CENPK: variants seen among roughly 807,000 people sequenced by gnomAD.
CENPK encodes centromere protein K.
A neutral mutation model predicts 40.9 loss-of-function variants in CENPK; 46 were observed. The ratio of observed to expected loss-of-function variants is 1.13; its 90% CI spans 0.89 to 1.44. CENPK has a LOEUF of 1.44. CENPK is among the 40% of genes most tolerant of loss of function. The pLI is 0.00. For missense variants in CENPK, 288 were observed against 303.5 expected (o/e 0.95, Z 0.38); for synonymous variants, 107 against 104.4 (o/e 1.02, Z -0.15).
At chr5:65,550,654 A>C (rs1749809651) in intron 5 of CENPK, 1 of 152,220 alleles carries the variant, frequency 6.6e-6, no homozygotes, top group South Asian at 2.1e-4. Flanking sequence ...CTCGCCACAA[A>C]CTGAATTTGT....
At chr5:65,536,633 T>G (rs6896398) in intron 6 of CENPK, among the ~76,000 whole-genome samples, 1 of 151,216 alleles carries the variant, frequency 6.6e-6, no homozygotes, top group South Asian at 2.1e-4. Flanking sequence ...AAAGAAAAAA[T>G]ATATATATAT....
chr5:65,558,601 T>C lies in CENPK; in HGVS notation c.-40+2862A>G, dbSNP rs868732930. On this transcript the variant is annotated intron_variant, in intron 2 of 10. Coordinates refer to ENST00000396679, the MANE Select transcript of CENPK (RefSeq NM_022145.5). The stretch of plus-strand genomic sequence containing the variant: ...AAAAGAGATGTATAAAACAGATATA[T>C]AAAAAAATGGGAGAGGATAAAGTTA... 3.1e-4 allele frequency among the ~76,000 whole-genome samples: 47 copies of C among 152,116 alleles called. No individual in the cohort carries two copies. The Middle Eastern group carries it at 0.024, about 77-fold the overall frequency.
chr5:65,537,342 T>G (rs1747101850), intron 6 of CENPK, among the ~76,000 whole-genome samples: 1 of 152,198 alleles, frequency 6.6e-6, no homozygotes, highest in South Asian at 2.1e-4. Flanking sequence ...TCTCGCTCTG[T>G]CATCCAGGCT....
chr5:65,518,539 T>C lies in CENPK; in HGVS notation c.746A>G (p.Asn249Ser), dbSNP rs759344010. ...TTCTGGATGTCTCAAGGCAATTCCATTACGCAGCAGCAGCTCAACATAAGG... is the reference window on the plus strand; with the variant it reads ...TTCTGGATGTCTCAAGGCAATTCCACTACGCAGCAGCAGCTCAACATAAGG... ...WPPYVELLLR[N>S]GIALRHPEDP... Residue 249 changes from asparagine (N) to serine (S), a missense_variant, in exon 11 of 11, where the codon AAT becomes AGT. Coordinates refer to ENST00000396679, the MANE Select transcript of CENPK (RefSeq NM_022145.5). 1 of 1,613,596 alleles carries C rather than the reference T, an allele frequency of 6.2e-7. No individual in the cohort carries two copies. The highest frequency in any genetic ancestry group is 8.5e-7 in the Non-Finnish European group (1 of 1,179,758).
intron 3 of CENPK, among the ~76,000 whole-genome samples, chr5:65,553,174 A>G (rs1750389517): frequency 6.6e-6 from 1 of 152,194 alleles, no homozygotes; most frequent in Non-Finnish European, 1.5e-5. Context: ...CCAAGTATTT[A>G]TGTTAAAAAT....
chr5:65,538,339 T>G (rs1250795614), intron 6 of CENPK, among the ~76,000 whole-genome samples: 3 of 152,192 alleles, frequency 2.0e-5, no homozygotes, highest in Non-Finnish European at 4.4e-5. Context: ...ACTCAAAAAC[T>G]TACTATGAAT....
chr5:65,523,674 A>G (rs1250383553), intron 9 of CENPK, among the ~76,000 whole-genome samples: 2 of 152,224 alleles, frequency 1.3e-5, no homozygotes, highest in African/African-American at 4.8e-5. Context: ...AACGAAATGC[A>G]GAAGAAAAAT....
chr5:65,537,462 G>A (rs188080131), intron 6 of CENPK, among the ~76,000 whole-genome samples: 10 of 152,168 alleles, frequency 6.6e-5, no homozygotes, highest in Non-Finnish European at 1.0e-4. Context: ...CCGCCACCAC[G>A]CCCAGCTAAT....
At chr5:65,559,305 C>G (rs1281505170) in intron 2 of CENPK, among the ~76,000 whole-genome samples, 2 of 152,178 alleles carry the variant, frequency 1.3e-5, no homozygotes, top group South Asian at 2.1e-4. Context: ...TTTTGTTTCT[C>G]TTTATGGGAC....
chr5:65,517,443 T>C (rs575387163), downstream of CENPK, among the ~76,000 whole-genome samples: 1 of 152,220 alleles, frequency 6.6e-6, no homozygotes, highest in South Asian at 2.1e-4. Flanking sequence ...ACTTTATATA[T>C]TATCCTCCCC....
At chr5:65,507,860 G>A in the CENPK span, among the ~76,000 whole-genome samples, 4 of 152,020 alleles carry the variant, frequency 2.6e-5, no homozygotes, top group East Asian at 1.9e-4. Context: ...TGAGTTTATC[G>A]GGCTTTCCTT....
intron 5 of CENPK, among the ~76,000 whole-genome samples, chr5:65,550,174 C>CAAAAAAA (rs56732964): frequency 6.7e-5 from 4 of 59,490 alleles, no homozygotes; most frequent in South Asian, 6.0e-4. Flanking sequence ...GACTCCATCT[C>CAAAAAAA]AAAAAAAAAA....
At chr5:65,542,205 G>C (rs1435965887) in intron 6 of CENPK, among the ~76,000 whole-genome samples, 1 of 152,204 alleles carries the variant, frequency 6.6e-6, no homozygotes, top group African/African-American at 2.4e-5. Flanking sequence ...CAGAAGGAGA[G>C]ATGTATGTAT....
downstream of CENPK, among the ~76,000 whole-genome samples, chr5:65,515,209 T>TTTTTTTTTG (rs1742779848): frequency 6.9e-6 from 1 of 144,774 alleles, no homozygotes; most frequent in East Asian, 2.1e-4. Flanking sequence ...AAAAAATTTT[T>TTTTTTTTTG]TTTTTTTTTT....
At chr5:65,495,630 C>T in the CENPK span, among the ~76,000 whole-genome samples, 2 of 152,142 alleles carry the variant, frequency 1.3e-5, no homozygotes, top group South Asian at 4.2e-4. Context: ...TTTCTTTTTA[C>T]TTGTTTAATG....
At chr5:65,533,776 C>G (rs1294206649) in intron 6 of CENPK, among the ~76,000 whole-genome samples, 1 of 151,894 alleles carries the variant, frequency 6.6e-6, no homozygotes, top group Non-Finnish European at 1.5e-5. Flanking sequence ...GGTGCAGTGC[C>G]TCAAGCCTGA....
chr5:65,559,411 C>T (rs183181397), intron 2 of CENPK, among the ~76,000 whole-genome samples: 4,518 of 151,932 alleles, frequency 0.03, 216 homozygotes, highest in African/African-American at 0.1. Context: ...GGGCGGATCA[C>T]GAGGTCAGGA....
chr5:65,560,582 A>G (rs1335655312), intron 2 of CENPK, among the ~76,000 whole-genome samples: 1 of 152,232 alleles, frequency 6.6e-6, no homozygotes, highest in Non-Finnish European at 1.5e-5. Context: ...AAGAACACAA[A>G]TGAGGAATTC....
At chr5:65,558,260 G>A (rs1751325963) in intron 2 of CENPK, among the ~76,000 whole-genome samples, 1 of 152,116 alleles carries the variant, frequency 6.6e-6, no homozygotes, top group Non-Finnish European at 1.5e-5. Context: ...AAAGATGGGA[G>A]AAAATATAGC....
Sources: allele counts gnomAD v4.1 joint callset (sites outside exome capture counted in the v4.1 genomes callset), GRCh38; gene constraint gnomAD v4.1.1; transcripts MANE v1.5; gene names NCBI Gene and HGNC (gene_info 2026-07-23, HGNC 2026-07-21).